The following KTN1 variants were observed in gnomAD, a reference collection of about 807,000 sequenced individuals.
KTN1 encodes the protein kinectin.
A neutral mutation model predicts 222.5 loss-of-function variants in KTN1; 130 were observed. The ratio of observed to expected loss-of-function variants is 0.58; its 90% CI spans 0.51 to 0.68. The LOEUF is 0.68. Among genes scored for constraint, KTN1 ranks in the 30% least tolerant of loss-of-function variants. The pLI, the probability that KTN1 is intolerant of heterozygous loss-of-function variation, is 0.00. For synonymous variants in KTN1, 512 were observed against 496.3 expected (o/e 1.03, Z -0.42); for missense variants, 1,508 against 1,500.4 (o/e 1.01, Z -0.08).
At position 55,663,860 on chromosome 14, in the gene KTN1, A is replaced by G. The variant is rs927908477; in HGVS notation, c.3091-95A>G. ...CCATTGAAATAATTTTGCAGTAACCAGCATTTAAATGCAGTGCAAAATACT... is the reference window on the plus strand; with the variant it reads ...CCATTGAAATAATTTTGCAGTAACCGGCATTTAAATGCAGTGCAAAATACT... On this transcript the variant is annotated intron_variant, in intron 32 of 43. Transcript: ENST00000395314. The G allele has an allele frequency of 1.2e-5, 9 of 723,806 alleles. No individual in the cohort carries two copies. The Admixed American group carries it at 2.4e-4, about 20-fold the overall frequency. 44.8% of individuals were successfully genotyped at this position (723,806 alleles called of 1,614,324 possible).
intron 31 of KTN1, 58 bp from the exon 32 acceptor site, chr14:55,661,464 C>A (rs775398051): frequency 7.7e-5 from 67 of 864,578 alleles, no homozygotes; most frequent in Non-Finnish European, 1.4e-5. Flanking sequence ...AGGTAGGGAT[C>A]TAAGTTGTAT....
intron 1 of KTN1, 36 bp from the exon 2 acceptor site, chr14:55,611,983 T>C: frequency 6.0e-6 from 4 of 664,318 alleles, no homozygotes; most frequent in Non-Finnish European, 6.4e-6. Context: ...GACAGGTTCT[T>C]TTTTTTTTTT....
chr14:55,623,355 A>C (rs2039397728), intron 5 of KTN1, among the ~76,000 whole-genome samples: 1 of 152,204 alleles, frequency 6.6e-6, no homozygotes, highest in African/African-American at 2.4e-5. Flanking sequence ...GCTTTATTGC[A>C]AGGAACTTTC....
In KTN1 at chr14:55,617,969, G is replaced by A. The variant is rs192960670; in HGVS notation, c.667G>A (p.Val223Ile). 164 of 1,573,100 alleles carry A rather than the reference G, an allele frequency of 1.0e-4. No individual in the cohort carries two copies. The East Asian group carries it at 1.2e-3, about 11-fold the overall frequency. The change falls in exon 4 of 44, where the codon GTA (valine) becomes ATA (isoleucine). Residue 223 changes from valine (V) to isoleucine (I), a missense_variant. Physicochemically the swap from Val to Ile is conservative, Grantham distance 29. Coordinates refer to ENST00000395314, the MANE Select transcript of KTN1 (RefSeq NM_001079521.2). Reference protein sequence around the residue: ...SKKQKTENVFVDEPLIHATTY... With the variant: ...SKKQKTENVFIDEPLIHATTY... ...TTGTTGAACTTAAATTGCAGTCTTC[G>A]TAGATGAACCCCTTATTCATGCAAC...
Position 55,670,934 on chromosome 14 carries a change from A to G in KTN1, c.3348+125A>G, listed in dbSNP as rs1318794417. The G allele has an allele frequency of 1.1e-5, 6 of 567,522 alleles. 1 individual carries two copies. The highest frequency in any genetic ancestry group is 3.6e-5 in the Admixed American group (1 of 27,722). 35.2% of individuals were successfully genotyped at this position (567,522 alleles called of 1,614,324 possible). ...TAAGGCTCTTTTGAGAAAGTGTAAG[A>G]AGGTGATTTCATTTTGTTTAAATTT... On this transcript the variant is annotated intron_variant, in intron 35 of 43. Transcript: ENST00000395314.
intron 1 of KTN1, among the ~76,000 whole-genome samples, chr14:55,589,437 G>A (rs1052003516): frequency 6.6e-6 from 1 of 151,556 alleles, no homozygotes; most frequent in South Asian, 2.1e-4. Flanking sequence ...TGCCTCCTGA[G>A]TAGCTGGGAT....
At chr14:55,626,110 T>A (rs1157999731) in intron 5 of KTN1, among the ~76,000 whole-genome samples, 1 of 152,132 alleles carries the variant, frequency 6.6e-6, no homozygotes, top group Non-Finnish European at 1.5e-5. Context: ...TACTGGGAAG[T>A]TATATATAAT....
chr14:55,632,232 A>G (rs2140924088), intron 7 of KTN1, among the ~76,000 whole-genome samples: 1 of 152,312 alleles, frequency 6.6e-6, no homozygotes, highest in African/African-American at 2.4e-5. Flanking sequence ...AGATACTTGT[A>G]GCAGCATCTT....
At chr14:55,668,896 A>C (rs545188436) in intron 34 of KTN1, 4 of 152,146 alleles carry the variant, frequency 2.6e-5, no homozygotes, top group African/African-American at 7.2e-5. Flanking sequence ...CTTTGTTTCC[A>C]TTGTAACTAT....
At chr14:55,662,170 G>A (rs550929479) in intron 32 of KTN1, among the ~76,000 whole-genome samples, 3 of 150,972 alleles carry the variant, frequency 2.0e-5, no homozygotes, top group Admixed American at 1.3e-4. Flanking sequence ...GGGTTCAGGC[G>A]ATTCTCCTGC....
intron 1 of KTN1, among the ~76,000 whole-genome samples, chr14:55,603,961 A>T (rs1222163362): frequency 1.3e-5 from 2 of 152,082 alleles, no homozygotes; most frequent in African/African-American, 2.4e-5. Context: ...AAGTATCAAA[A>T]ATTTGACCAT....
At chr14:55,630,145 T>G in intron 7 of KTN1, 48 bp downstream of exon 7, 3 of 1,558,938 alleles carry the variant, frequency 1.9e-6, no homozygotes, top group Non-Finnish European at 1.8e-6. Context: ...GCATTCACTT[T>G]ATTAGCAAAC....
chr14:55,633,909 C>T (rs950303519), intron 8 of KTN1, among the ~76,000 whole-genome samples: 6 of 152,098 alleles, frequency 3.9e-5, no homozygotes, highest in African/African-American at 1.4e-4. Context: ...GAGGCCGAGG[C>T]AGGCGGATCA....
intron 2 of KTN1, among the ~76,000 whole-genome samples, chr14:55,613,039 C>G (rs1425004206): frequency 1.3e-5 from 2 of 152,162 alleles, no homozygotes; most frequent in African/African-American, 4.8e-5. Context: ...AAGCTAAAAT[C>G]AGATATCATT....
chr14:55,630,436 G>A (rs890214076), intron 7 of KTN1, among the ~76,000 whole-genome samples: 1 of 152,162 alleles, frequency 6.6e-6, no homozygotes, highest in Non-Finnish European at 1.5e-5. Flanking sequence ...AAGTAAGAGA[G>A]TAAAGAAATG....
chr14:55,620,151 T>C (rs560513977), intron 5 of KTN1, among the ~76,000 whole-genome samples: 13 of 152,356 alleles, frequency 8.5e-5, no homozygotes, highest in Non-Finnish European at 1.9e-4. Context: ...TGATCTCCTT[T>C]GACTCCATGT....
chr14:55,588,725 TTCCA>T (rs1486265151), intron 1 of KTN1, among the ~76,000 whole-genome samples: 4 of 152,218 alleles, frequency 2.6e-5, no homozygotes, highest in African/African-American at 4.8e-5. Context: ...TTGTTTACAT[TTCCA>T]TCTATTGCAA....
chr14:55,681,634 A>ACTGATAG (rs2046375129), intron 43 of KTN1: 1 of 152,096 alleles, frequency 6.6e-6, no homozygotes, highest in Admixed American at 6.6e-5. Context: ...TCCCCTCCTA[A>ACTGATAG]CTGATAGCAC....
At chr14:55,596,357 T>C (rs2035041078) in intron 1 of KTN1, among the ~76,000 whole-genome samples, 1 of 152,096 alleles carries the variant, frequency 6.6e-6, no homozygotes, top group East Asian at 1.9e-4. Context: ...CATTTTCTAA[T>C]AGTGAGGAAA....
Sources: gnomAD v4.1 joint callset for allele counts (sites outside exome capture counted in the v4.1 genomes callset) on GRCh38, gnomAD v4.1.1 for gene constraint, MANE v1.5 for transcripts, NCBI Gene and HGNC (gene_info 2026-07-23, HGNC 2026-07-21) for gene names.